The following ST3GAL6 variants were observed in gnomAD, a reference collection of about 807,000 sequenced individuals.
ST3GAL6 encodes the protein type 2 lactosamine alpha-2,3-sialyltransferase.
In ST3GAL6, 31 loss-of-function variants were observed where a neutral mutation model predicts 40.5. The observed-to-expected ratio is 0.77, with a 90% CI of 0.58 to 1.03. ST3GAL6 has a LOEUF of 1.03. Among genes scored for constraint, ST3GAL6 ranks in the 50% least tolerant of loss-of-function variants. The pLI, the probability that ST3GAL6 is intolerant of heterozygous loss-of-function variation, is 0.00. For synonymous variants in ST3GAL6, 129 were observed against 136.9 expected (o/e 0.94, Z 0.40); for missense variants, 357 against 393.2 (o/e 0.91, Z 0.78).
chr3:98,761,479 C>T (rs184847540), upstream of ST3GAL6, among the ~76,000 whole-genome samples: 158 of 151,800 alleles, frequency 1.0e-3, no homozygotes, highest in Admixed American at 5.4e-3. Context: ...CATGGTGGCA[C>T]GTGCCTATAG....
intron 1 of ST3GAL6, among the ~76,000 whole-genome samples, chr3:98,754,817 A>G (rs547728643): frequency 6.6e-6 from 1 of 152,382 alleles, no homozygotes; most frequent in African/African-American, 2.4e-5. Flanking sequence ...GGCTCATATG[A>G]TCAATCATTA....
intron 5 of ST3GAL6, chr3:98,783,065 T>C: frequency 4.6e-6 from 1 of 217,650 alleles, no homozygotes; most frequent in Non-Finnish European, 9.3e-6. Flanking sequence ...TGTGCACTGA[T>C]TGTGACACTC....
chr3:98,787,668 A>T (rs1344552741), intron 6 of ST3GAL6, among the ~76,000 whole-genome samples: 3 of 152,192 alleles, frequency 2.0e-5, no homozygotes, highest in Non-Finnish European at 4.4e-5. Flanking sequence ...TGTGGCTTTG[A>T]GCAAGTAATT....
intron 1 of ST3GAL6, among the ~76,000 whole-genome samples, chr3:98,768,122 C>G (rs1459493035): frequency 6.6e-6 from 1 of 152,018 alleles, no homozygotes; most frequent in African/African-American, 2.4e-5. Flanking sequence ...AAATTTTATT[C>G]TGAAGGAATT....
At chr3:98,752,707 G>A (rs1270337594) in intron 1 of ST3GAL6, among the ~76,000 whole-genome samples, 1 of 152,114 alleles carries the variant, frequency 6.6e-6, no homozygotes, top group African/African-American at 2.4e-5. Context: ...TCCTGACCTC[G>A]TGATCTGCCC....
rs924950646 is a variant in ST3GAL6, at chr3:98,795,286, T to A, written c.*1525T>A. 1 of 152,156 alleles carries A rather than the reference T, an allele frequency of 6.6e-6. No individual in the cohort carries two copies. The highest frequency in any genetic ancestry group is 1.5e-5 in the Non-Finnish European group (1 of 68,040). The allele number at this position is 152,156 out of a possible 1,614,324, so 9.4% of individuals were successfully genotyped here. ...CTTGATTACTGACAACCAACCTGCC[T>A]CTCTAAAGAGGGTGTATAAAGGGTG... On this transcript the variant is annotated 3_prime_UTR_variant, in exon 10 of 10. Transcript: ENST00000483910.
At chr3:98,776,498 C>T (rs969757788) in intron 5 of ST3GAL6, among the ~76,000 whole-genome samples, 5 of 152,190 alleles carry the variant, frequency 3.3e-5, no homozygotes, top group Non-Finnish European at 5.9e-5. Context: ...TGGGCCCACA[C>T]GTCCAAGGAG....
rs369957321 is a variant in ST3GAL6, at chr3:98,746,208, G to A, written c.-12+13676G>A. Among the ~76,000 whole-genome samples, 5 of 152,272 alleles carry A rather than the reference G, an allele frequency of 3.3e-5. No individual in the cohort carries two copies. The South Asian group carries it at 6.2e-4, about 19-fold the overall frequency. ...ATATGAATTTCAGTTGATTTCAGGG[G>A]TGCCTCCTGAAGCTTGGAAGCGTTT... On this transcript the variant is annotated intron_variant, in intron 1 of 9. Coordinates refer to the ST3GAL6 transcript ENST00000265261.
At chr3:98,775,407 C>T (rs911651276) in intron 5 of ST3GAL6, among the ~76,000 whole-genome samples, 4 of 144,512 alleles carry the variant, frequency 2.8e-5, no homozygotes, top group South Asian at 2.2e-4. Flanking sequence ...ACCAGGGAGG[C>T]GGAGGTTGCA....
At chr3:98,734,351 A>T (rs745982765) in intron 1 of ST3GAL6, among the ~76,000 whole-genome samples, 4 of 152,102 alleles carry the variant, frequency 2.6e-5, no homozygotes, top group Non-Finnish European at 5.9e-5. Context: ...ATGCCCTTAG[A>T]CTGTTATTTA....
intron 1 of ST3GAL6, among the ~76,000 whole-genome samples, chr3:98,739,479 T>C (rs1013833387): frequency 1.3e-5 from 2 of 152,162 alleles, no homozygotes; most frequent in African/African-American, 4.8e-5. Flanking sequence ...ACCTTTCCCA[T>C]ACCATTAGAT....
chr3:98,745,169 G>C (rs1398248611), intron 1 of ST3GAL6, among the ~76,000 whole-genome samples: 1 of 152,108 alleles, frequency 6.6e-6, no homozygotes, highest in African/African-American at 2.4e-5. Context: ...GAGTAGCTGG[G>C]ATTACAGGCA....
chr3:98,772,797 T>C lies in ST3GAL6; in HGVS notation c.168-16T>C. 6.3e-7 allele frequency: 1 copy of C among 1,596,380 alleles called. No homozygotes were observed. The highest frequency in any genetic ancestry group is 2.2e-5 in the East Asian group (1 of 44,698). The stretch of plus-strand genomic sequence containing the variant: ...GTAGGTATTTGGCAAAATCATTCTT[T>C]ATCCTTTCCTTCCAGGTTTCATCAG... On this transcript the variant is annotated splice_polypyrimidine_tract_variant and intron_variant, in intron 3 of 9. Transcript: ENST00000483910.
intron 1 of ST3GAL6, chr3:98,733,626 T>G (rs1935252972): frequency 1.6e-5 from 16 of 984,988 alleles, no homozygotes; most frequent in Non-Finnish European, 1.7e-5. Context: ...TGCTGTTAAT[T>G]TTCAAGATAA....
At chr3:98,764,341 T>A (rs933336471) in intron 1 of ST3GAL6, among the ~76,000 whole-genome samples, 1 of 152,054 alleles carries the variant, frequency 6.6e-6, no homozygotes, top group Non-Finnish European at 1.5e-5. Context: ...TTTTTTCAAG[T>A]GTTTCTCCGT....
chr3:98,788,108 A>G lies in ST3GAL6; in HGVS notation c.504A>G (p.Pro168=), dbSNP rs755965667. 1.9e-6 allele frequency: 3 copies of G among 1,614,068 alleles called. No homozygotes were observed. Among genetic ancestry groups the G allele is most frequent in the Admixed American group, 3.3e-5 (2 of 59,992 alleles). The change falls in exon 7 of 10, where the codon CCA becomes CCG. Residue 168 remains proline (P), a synonymous_variant. Transcript: ENST00000483910. ...GGACAACCTTCCGACTTTTTTATCCAGAATCTGTTTTTTCAGATCCTATTC... is the reference window on the plus strand; with the variant it reads ...GGACAACCTTCCGACTTTTTTATCCGGAATCTGTTTTTTCAGATCCTATTC... ...GRRTTFRLFY[P]ESVFSDPIHN...
intron 1 of ST3GAL6, 52 bp from the exon 2 acceptor site, chr3:98,768,378 C>A: frequency 7.6e-7 from 1 of 1,309,172 alleles, no homozygotes; most frequent in Non-Finnish European, 1.1e-6. Context: ...TGTGAAAATC[C>A]ATTTGTATAA....
chr3:98,791,404 T>G (rs1428029864), intron 8 of ST3GAL6, among the ~76,000 whole-genome samples: 1 of 152,222 alleles, frequency 6.6e-6, no homozygotes, highest in Non-Finnish European at 1.5e-5. Flanking sequence ...TTATATGAAG[T>G]CTTTTATCAT....
At chr3:98,743,060 A>G (rs1488616970) in intron 1 of ST3GAL6, among the ~76,000 whole-genome samples, 1 of 138,828 alleles carries the variant, frequency 7.2e-6, no homozygotes, top group Non-Finnish European at 1.5e-5. Context: ...CCAGGCTGGA[A>G]TATCGTGGTG....
Sources: gnomAD v4.1 joint callset for allele counts (sites outside exome capture counted in the v4.1 genomes callset) on GRCh38, gnomAD v4.1.1 for gene constraint, MANE v1.5 for transcripts, NCBI Gene and HGNC (gene_info 2026-07-23, HGNC 2026-07-21) for gene names.